The following RSF1 variants were observed in gnomAD, a reference collection of about 807,000 sequenced individuals.
The protein encoded by RSF1 is remodeling and spacing factor 1.
A neutral mutation model predicts 145.2 loss-of-function variants in RSF1; 13 were observed. The ratio of observed to expected loss-of-function variants is 0.09; its 90% confidence interval spans 0.06 to 0.14. RSF1 has a LOEUF of 0.14. RSF1 is among the 10% of genes least tolerant of loss of function. RSF1 has a pLI of 1.00. For synonymous variants in RSF1, 577 were observed against 592.6 expected, an observed-to-expected ratio of 0.97 and a Z score of 0.38; for missense variants, 1,517 against 1,718.2, an observed-to-expected ratio of 0.88 and a Z score of 2.07.
chr11:77,665,633 C>G lies in RSF1; in HGVS notation c.*1284G>C, dbSNP rs1339819517. The stretch of plus-strand genomic sequence containing the variant: ...ATGTCATGCCTATTAATTACATCGG[C>G]AGTTCTCATTCAACTCTATGTTGGT... On this transcript the variant is annotated 3_prime_UTR_variant, in exon 16 of 16. Transcript: ENST00000308488. The G allele has an allele frequency of 6.6e-6, 1 of 152,132 alleles. No homozygotes were observed. Among genetic ancestry groups the G allele is most frequent in the Non-Finnish European group, 1.5e-5 (1 of 68,024 alleles). The allele number at this position is 152,132 out of a possible 1,614,324, so 9.4% of individuals were successfully genotyped here.
At chr11:77,815,817 A>G (rs1159259043) in intron 1 of RSF1, among the ~76,000 whole-genome samples, 1 of 152,222 alleles carries the variant, frequency 6.6e-6, no homozygotes, top group Non-Finnish European at 1.5e-5. Flanking sequence ...ATATATATTA[A>G]GTGAATAACC....
intron 2 of RSF1, among the ~76,000 whole-genome samples, chr11:77,760,173 C>T (rs986407993): frequency 6.6e-6 from 1 of 152,090 alleles, no homozygotes; most frequent in Non-Finnish European, 1.5e-5. Context: ...AAGTGGGAAA[C>T]AAGCAAATGT....
intron 3 of RSF1, among the ~76,000 whole-genome samples, chr11:77,741,942 T>C (rs1249248383): frequency 1.3e-5 from 2 of 152,226 alleles, no homozygotes; most frequent in African/African-American, 4.8e-5. Flanking sequence ...TCATGGGGTA[T>C]TTCTTTCAGT....
At chr11:77,766,111 C>A (rs1291398070) in intron 1 of RSF1, among the ~76,000 whole-genome samples, 2 of 151,750 alleles carry the variant, frequency 1.3e-5, no homozygotes, top group East Asian at 3.8e-4. Context: ...AGATCCCATA[C>A]TCAAATATAT....
chr11:77,843,887 CTTACA>C, the RSF1 span, among the ~76,000 whole-genome samples: 1 of 152,126 alleles, frequency 6.6e-6, no homozygotes, highest in Non-Finnish European at 1.5e-5. Flanking sequence ...CAAGTCACGT[CTTACA>C]TGGATGGTGG....
At chr11:77,742,630 G>C (rs979112731) in intron 3 of RSF1, among the ~76,000 whole-genome samples, 1 of 152,086 alleles carries the variant, frequency 6.6e-6, no homozygotes, top group Non-Finnish European at 1.5e-5. Context: ...CTCTTGTCTT[G>C]TCTTTTTGAT....
At chr11:77,693,406 C>G in intron 8 of RSF1, 101 bp downstream of exon 8, 1 of 692,006 alleles carries the variant, frequency 1.4e-6, no homozygotes, top group South Asian at 1.8e-5. Flanking sequence ...ACTATTTACA[C>G]ATTGCTTTGA....
At chr11:77,832,971 GT>G in the RSF1 span, among the ~76,000 whole-genome samples, 1 of 61,898 alleles carries the variant, frequency 1.6e-5, no homozygotes, top group African/African-American at 8.6e-5. Context: ...GTGTGTGTGT[GT>G]GTGTGTGTGT....
intron 14 of RSF1, among the ~76,000 whole-genome samples, chr11:77,674,414 G>A (rs1959637024): frequency 2.0e-5 from 3 of 152,180 alleles, no homozygotes; most frequent in Admixed American, 1.3e-4. Flanking sequence ...AACACTGACT[G>A]TGGTCTAAAT....
intron 5 of RSF1, chr11:77,702,759 G>A: frequency 3.7e-6 from 1 of 273,772 alleles, no homozygotes; most frequent in East Asian, 6.5e-5. Context: ...TCAATGGATT[G>A]CAAATATTTA....
At chr11:77,736,181 A>G (rs1397191484) in intron 4 of RSF1, among the ~76,000 whole-genome samples, 3 of 152,246 alleles carry the variant, frequency 2.0e-5, no homozygotes, top group African/African-American at 7.2e-5. Flanking sequence ...GCAATGTAAA[A>G]GGAAAAACAA....
intron 2 of RSF1, among the ~76,000 whole-genome samples, chr11:77,755,333 G>C (rs1293500407): frequency 6.6e-6 from 1 of 152,194 alleles, no homozygotes; most frequent in Non-Finnish European, 1.5e-5. Context: ...AACAGATGTG[G>C]AGGGTGAATG....
intron 5 of RSF1, among the ~76,000 whole-genome samples, chr11:77,723,598 G>A (rs1381705582): frequency 6.6e-6 from 1 of 152,226 alleles, no homozygotes. Context: ...CATAAGCAAT[G>A]AAGGACGGTA....
chr11:77,771,928 G>GA (rs1948289745), intron 1 of RSF1, among the ~76,000 whole-genome samples: 1 of 152,072 alleles, frequency 6.6e-6, no homozygotes, highest in East Asian at 1.9e-4. Context: ...TACCCTGAAG[G>GA]AAAATTGCAA....
At chr11:77,706,468 G>A (rs547302221) in intron 5 of RSF1, among the ~76,000 whole-genome samples, 1 of 152,060 alleles carries the variant, frequency 6.6e-6, no homozygotes. Context: ...TTTGAAAATG[G>A]AGCATGCAAA....
At position 77,701,715 on chromosome 11, in the gene RSF1, T is replaced by C; in HGVS notation, c.1514A>G (p.Glu505Gly). 3 of 1,613,756 alleles carry C rather than the reference T, an allele frequency of 1.9e-6. No individual in the cohort carries two copies. Among genetic ancestry groups the C allele is most frequent in the Non-Finnish European group, 2.5e-6 (3 of 1,179,978 alleles). The change falls in exon 6 of 16, where the codon GAA (glutamate) becomes GGA (glycine). Residue 505 changes from glutamate to glycine, a missense_variant. Transcript: ENST00000308488. ...TSMKTGELEK[E>G]TAPLRKDADS... ...TGCATCTTTCCTCAAAGGGGCTGTT[T>C]CTTTCTCAAGCTCACCTGTTTTCAT...
At position 77,734,915 on chromosome 11, in the gene RSF1, T is replaced by C. The variant is rs1425663519; in HGVS notation, c.578+5816A>G. On this transcript the variant is annotated intron_variant, in intron 4 of 15. Coordinates refer to ENST00000308488, the MANE Select transcript of RSF1 (RefSeq NM_016578.4). ...TCATCACGGTCAAAGCAGTAAGACATGGACAGGTAAACGTAGGAGGCACAG... is the reference window on the plus strand; with the variant it reads ...TCATCACGGTCAAAGCAGTAAGACACGGACAGGTAAACGTAGGAGGCACAG... 7 of 1,584,202 alleles carry C rather than the reference T, an allele frequency of 4.4e-6. No individual in the cohort carries two copies. In the East Asian group the frequency reaches 6.7e-5, roughly 15 times the overall value.
intron 1 of RSF1, among the ~76,000 whole-genome samples, chr11:77,779,575 T>C (rs1948383128): frequency 6.6e-6 from 1 of 151,826 alleles, no homozygotes; most frequent in South Asian, 2.1e-4. Context: ...AGAGATGGGG[T>C]TTCTCCATGT....
intron 1 of RSF1, among the ~76,000 whole-genome samples, chr11:77,781,100 T>A (rs187131367): frequency 6.9e-6 from 1 of 145,876 alleles, no homozygotes; most frequent in Admixed American, 7.0e-5. Context: ...AATGTTTGAA[T>A]TGTCTTTTTT....
Sources: gnomAD v4.1 joint callset for allele counts (sites outside exome capture counted in the v4.1 genomes callset) on GRCh38, gnomAD v4.1.1 for gene constraint, MANE v1.5 for transcripts, NCBI Gene and HGNC (gene_info 2026-07-23, HGNC 2026-07-21) for gene names.